The following NEK7 variants were observed in gnomAD, a reference collection of about 807,000 sequenced individuals.
NEK7 encodes NIMA related kinase 7.
Under a neutral mutation model 44.6 loss-of-function variants are expected in NEK7, and 18 were observed. The ratio of observed to expected loss-of-function variants is 0.40; its 90% CI spans 0.28 to 0.60. The LOEUF is 0.60. Ranked by LOEUF, NEK7 falls within the 20% of genes least tolerant of loss-of-function variation. The pLI is 0.38. For synonymous variants in NEK7, 130 were observed against 121.1 expected (o/e 1.07, Z -0.48); for missense variants, 256 against 366.5 (o/e 0.70, Z 2.46).
chr1:198,222,946 C>T (rs1245023555), intron 1 of NEK7, among the ~76,000 whole-genome samples: 2 of 152,054 alleles, frequency 1.3e-5, no homozygotes, highest in South Asian at 4.1e-4. Flanking sequence ...TGATTTTGAA[C>T]CAGCCATTCG....
At chr1:198,266,519 T>C (rs1653660975) in intron 5 of NEK7, among the ~76,000 whole-genome samples, 1 of 152,030 alleles carries the variant, frequency 6.6e-6, no homozygotes, top group African/African-American at 2.4e-5. Context: ...TAATGAGTTA[T>C]ATAAAGGAAA....
rs143082429 is a variant in NEK7, at chr1:198,244,662, A to G, written c.58-8378A>G. ...TTTGTTAATAAGAACCCAGAACAGTATACTGATTCTCTACTAGATTCTACT... is the reference window on the plus strand; with the variant it reads ...TTTGTTAATAAGAACCCAGAACAGTGTACTGATTCTCTACTAGATTCTACT... On this transcript the variant is annotated intron_variant, in intron 2 of 9. Transcript: ENST00000367385. 4.1e-3 allele frequency among the ~76,000 whole-genome samples: 619 copies of G among 152,322 alleles called. 2 individuals carry two copies. The highest frequency in any genetic ancestry group is 7.4e-3 in the Non-Finnish European group (505 of 67,998).
chr1:198,157,501 C>T (rs892002840), intron 1 of NEK7, among the ~76,000 whole-genome samples: 7 of 152,220 alleles, frequency 4.6e-5, no homozygotes, highest in African/African-American at 1.7e-4. Context: ...AACTTCATAC[C>T]TGGCCCCGGC....
At chr1:198,293,798 A>G (rs530478300) in intron 8 of NEK7, among the ~76,000 whole-genome samples, 81 of 151,996 alleles carry the variant, frequency 5.3e-4, no homozygotes, top group Admixed American at 1.4e-3. Flanking sequence ...AAATTAGTCT[A>G]TATCTAAGTA....
chr1:198,186,453 G>T (rs543905796), intron 1 of NEK7, among the ~76,000 whole-genome samples: 1 of 152,262 alleles, frequency 6.6e-6, no homozygotes, highest in African/African-American at 2.4e-5. Context: ...ATACAGGCTG[G>T]CAAGGAATGC....
At chr1:198,198,158 C>T in intron 1 of NEK7, 3 of 801,018 alleles carry the variant, frequency 3.7e-6, no homozygotes, top group East Asian at 2.6e-5. Flanking sequence ...TGGATTTGGT[C>T]CTGGCTGGCC....
intron 9 of NEK7, among the ~76,000 whole-genome samples, chr1:198,302,044 T>C (rs1322695222): frequency 1.3e-5 from 2 of 152,224 alleles, no homozygotes; most frequent in African/African-American, 4.8e-5. Flanking sequence ...GAATCGGAAT[T>C]ATTAACCCAG....
intron 1 of NEK7, among the ~76,000 whole-genome samples, chr1:198,217,628 G>C (rs1665959634): frequency 6.6e-6 from 1 of 151,904 alleles, no homozygotes; most frequent in Non-Finnish European, 1.5e-5. Flanking sequence ...ATCCAAATTG[G>C]AAAAGAGGAA....
chr1:198,177,482 A>T (rs955784042), intron 1 of NEK7, among the ~76,000 whole-genome samples: 2 of 152,164 alleles, frequency 1.3e-5, no homozygotes, highest in African/African-American at 4.8e-5. Flanking sequence ...AATGTATCAC[A>T]TATGAGCTCT....
chr1:198,216,145 G>T (rs1665912745), intron 1 of NEK7, among the ~76,000 whole-genome samples: 1 of 151,992 alleles, frequency 6.6e-6, no homozygotes, highest in African/African-American at 2.4e-5. Flanking sequence ...TCAGCACAAG[G>T]TATAACACAT....
intron 6 of NEK7, among the ~76,000 whole-genome samples, chr1:198,278,656 T>C (rs1410679818): frequency 6.6e-6 from 1 of 151,896 alleles, no homozygotes; most frequent in Non-Finnish European, 1.5e-5. Context: ...AAAGGACACG[T>C]GTATTTTGTG....
chr1:198,257,133 GC>G (rs1653294138), intron 3 of NEK7, among the ~76,000 whole-genome samples: 1 of 152,058 alleles, frequency 6.6e-6, no homozygotes, highest in Admixed American at 6.6e-5. Flanking sequence ...CTGTGTGGCA[GC>G]CATTGTCAGT....
At chr1:198,233,502 T>C (rs1160420978) in intron 2 of NEK7, among the ~76,000 whole-genome samples, 1 of 152,194 alleles carries the variant, frequency 6.6e-6, no homozygotes, top group Non-Finnish European at 1.5e-5. Flanking sequence ...ATGTCTCATG[T>C]ATACTCTGCT....
chr1:198,230,901 T>C (rs752358111), intron 1 of NEK7, among the ~76,000 whole-genome samples: 2 of 151,962 alleles, frequency 1.3e-5, no homozygotes, highest in Non-Finnish European at 2.9e-5. Context: ...TGGAAGCCAT[T>C]ATTGAAAGAA....
chr1:198,289,374 T>C (rs199773921), intron 7 of NEK7, among the ~76,000 whole-genome samples: 2 of 149,490 alleles, frequency 1.3e-5, no homozygotes, highest in African/African-American at 5.0e-5. Context: ...AATTTTTTTT[T>C]CCATTTTGTT....
At chr1:198,233,990 G>T (rs1396941041) in intron 2 of NEK7, among the ~76,000 whole-genome samples, 2 of 148,540 alleles carry the variant, frequency 1.3e-5, no homozygotes, top group African/African-American at 5.0e-5. Flanking sequence ...AAATGTGGCG[G>T]TATCTTCTTT....
At chr1:198,253,288 T>C (rs1357972399) in intron 3 of NEK7, 108 bp downstream of exon 3, 1 of 688,404 alleles carries the variant, frequency 1.5e-6, no homozygotes, top group African/African-American at 1.9e-5. Context: ...AAGTTGAGAA[T>C]GCTGGGAAAG....
At chr1:198,214,511 G>C (rs1438682288) in intron 1 of NEK7, among the ~76,000 whole-genome samples, 4 of 152,160 alleles carry the variant, frequency 2.6e-5, no homozygotes, top group South Asian at 2.1e-4. Context: ...GGAAAAGAAA[G>C]ACACATTTAG....
intron 5 of NEK7, among the ~76,000 whole-genome samples, chr1:198,268,511 C>G (rs1236405975): frequency 6.6e-6 from 1 of 152,070 alleles, no homozygotes; most frequent in Non-Finnish European, 1.5e-5. Flanking sequence ...CCTATCGTCT[C>G]TCATTTGGAG....
Sources: allele counts gnomAD v4.1 joint callset (sites outside exome capture counted in the v4.1 genomes callset), GRCh38; gene constraint gnomAD v4.1.1; transcripts MANE v1.5; gene names NCBI Gene and HGNC (gene_info 2026-07-23, HGNC 2026-07-21).